ZNF577: variants seen among roughly 807,000 people sequenced by gnomAD.
ZNF577 encodes zinc finger protein 577.
A neutral mutation model predicts 13.9 loss-of-function variants in ZNF577; 14 were observed. The observed-to-expected ratio is 1.00, with a 90% confidence interval of 0.66 to 1.57. The LOEUF is 1.57. Ranked by LOEUF, ZNF577 falls within the 40% of genes most tolerant of loss-of-function variation. ZNF577 has a pLI of 0.00. For missense variants in ZNF577, 555 were observed against 579.2 expected (o/e 0.96, Z 0.43); for synonymous variants, 203 against 202.9 (o/e 1.00, Z 0.00).
chr19:51,824,413 G>T lies in ZNF577; in HGVS notation c.*600-12739C>A. 1.2e-6 allele frequency: 2 copies of T among 1,614,034 alleles called. No individual in the cohort carries two copies. The highest frequency in any genetic ancestry group is 4.5e-5 in the East Asian group (2 of 44,830). On this transcript the variant is annotated intron_variant and NMD_transcript_variant, in intron 9 of 10. Transcript: ENST00000638827. The surrounding 1 kb of genome is among the most constrained non-coding windows in gnomAD (Gnocchi z 4.7). ...ATGTCCATCATCACAGTCTGCTATG[G>T]GATCATCGCTGCCAAAATTCACAGA...
At chr19:51,864,590 T>C (rs2084539278), downstream of ZNF577, among the ~76,000 whole-genome samples, 1 of 151,982 alleles carries the variant, frequency 6.6e-6, no homozygotes, top group Non-Finnish European at 1.5e-5. Flanking sequence ...GACCTCGAGA[T>C]ATAAGGAGAA....
chr19:51,869,790 G>C lies in ZNF577; in HGVS notation c.*2742C>G, dbSNP rs1599866421. On this transcript the variant is annotated 3_prime_UTR_variant, in exon 6 of 6. Coordinates refer to ENST00000638348, the MANE Select transcript of ZNF577 (RefSeq NM_001370449.1). ...ACACACCAGCCGCTAACTAGAATAA[G>C]TTGTTAGGCCTCCTAACTGTACTTC... 6.6e-6 allele frequency among the ~76,000 whole-genome samples: 1 copy of C among 152,192 alleles called. No homozygotes were observed. Among genetic ancestry groups the C allele is most frequent in the East Asian group, 1.9e-4 (1 of 5,202 alleles).
At chr19:51,857,422 GAAAGAA>G (rs1555745885) in intron 5 of ZNF577, among the ~76,000 whole-genome samples, 7 of 108,706 alleles carry the variant, frequency 6.4e-5, no homozygotes, top group South Asian at 7.5e-4. Context: ...AAGAAAGAAA[GAAAGAA>G]AAGAAAAAAC....
downstream of ZNF577, among the ~76,000 whole-genome samples, chr19:51,865,713 C>A (rs1479903683): frequency 6.6e-6 from 1 of 152,194 alleles, no homozygotes; most frequent in Non-Finnish European, 1.5e-5. Context: ...TGGAAGGGGT[C>A]CAACCCTCAT....
chr19:51,862,932 A>C (rs2084519301), downstream of ZNF577: 1 of 152,304 alleles, frequency 6.6e-6, no homozygotes, highest in Non-Finnish European at 1.5e-5. Context: ...GATTTCTTTG[A>C]CATAAAATGA....
chr19:51,811,023 T>A (rs2084093037), intron 10 of ZNF577, among the ~76,000 whole-genome samples: 1 of 152,184 alleles, frequency 6.6e-6, no homozygotes, highest in Non-Finnish European at 1.5e-5. Flanking sequence ...ATTTTTATCC[T>A]CCCTCTCCTG....
intron 9 of ZNF577, among the ~76,000 whole-genome samples, chr19:51,821,613 G>C (rs2084190043): frequency 1.3e-5 from 2 of 152,078 alleles, no homozygotes; most frequent in African/African-American, 4.8e-5. Flanking sequence ...GAGAGAAAGG[G>C]AAAGGAGGAA....
At chr19:51,849,762 T>G (rs558778261) in intron 5 of ZNF577, among the ~76,000 whole-genome samples, 1 of 152,310 alleles carries the variant, frequency 6.6e-6, no homozygotes, top group East Asian at 1.9e-4. Flanking sequence ...AATCTAACTA[T>G]TAAGCATTTA....
intron 8 of ZNF577, chr19:51,840,869 T>C (rs1568437651): frequency 1.3e-5 from 2 of 152,118 alleles, no homozygotes; most frequent in Admixed American, 6.5e-5. Context: ...AAAAAACTAA[T>C]AAAAACTACT....
rs75091353 is a variant in ZNF577, at chr19:51,871,756, T to C, written c.*776A>G. 9,997 of 152,194 alleles carry C rather than the reference T, an allele frequency of 0.066. 466 individuals are homozygous for C. Among genetic ancestry groups the C allele is most frequent in the Non-Finnish European group, 0.099 (6,707 of 67,992 alleles). 9.4% of individuals were successfully genotyped at this position (152,194 alleles called of 1,614,324 possible). ...GAGTGATGTAAGACTGATTGGCCAT[T>C]GCTGGTTTTGAAAGGAGGCCCCAAA... On this transcript the variant is annotated 3_prime_UTR_variant, in exon 6 of 6. Coordinates refer to ENST00000638348, the MANE Select transcript of ZNF577 (RefSeq NM_001370449.1).
At chr19:51,809,307 A>G (rs912822428) in intron 10 of ZNF577, among the ~76,000 whole-genome samples, 2 of 152,236 alleles carry the variant, frequency 1.3e-5, no homozygotes, top group Admixed American at 1.3e-4. Flanking sequence ...TACTCCCACT[A>G]GGGATGTAGA....
At chr19:51,807,057 T>C (rs1250697242) in intron 10 of ZNF577, among the ~76,000 whole-genome samples, 2 of 152,208 alleles carry the variant, frequency 1.3e-5, no homozygotes, top group South Asian at 2.1e-4. Context: ...CCACGATCCC[T>C]GATGGACTGA....
intron 9 of ZNF577, among the ~76,000 whole-genome samples, chr19:51,814,464 C>T (rs1436652919): frequency 6.7e-6 from 1 of 150,358 alleles, no homozygotes; most frequent in East Asian, 1.9e-4. Context: ...ATGCATCTGC[C>T]TCACCTCTCA....
chr19:51,824,631 A>T lies in ZNF577; in HGVS notation c.*600-12957T>A. On this transcript the variant is annotated intron_variant and NMD_transcript_variant, in intron 9 of 10. Coordinates refer to the ZNF577 transcript ENST00000638827. The surrounding 1 kb of genome is among the most constrained non-coding windows in gnomAD (Gnocchi z 4.7). ...AACAAGCTCCTTGGCCTTTTTTAAC[A>T]GCTGCCTCAACCCAATTCTCTACGT... is the stretch of plus-strand genomic sequence containing the variant. 1 of 1,614,134 alleles carries T rather than the reference A, an allele frequency of 6.2e-7. No individual in the cohort carries two copies. The highest frequency in any genetic ancestry group is 8.5e-7 in the Non-Finnish European group (1 of 1,180,012).
At chr19:51,835,348 G>T (rs1413360446) in intron 9 of ZNF577, among the ~76,000 whole-genome samples, 2 of 148,320 alleles carry the variant, frequency 1.3e-5, no homozygotes, top group Non-Finnish European at 3.0e-5. Context: ...GTCATAAAAA[G>T]AATTAGAAAA....
In ZNF577 at chr19:51,869,548, G is replaced by A. The variant is rs181646698; in HGVS notation, c.*2984C>T. On this transcript the variant is annotated 3_prime_UTR_variant, in exon 6 of 6. Coordinates refer to ENST00000638348, the MANE Select transcript of ZNF577 (RefSeq NM_001370449.1). Reference sequence around the variant, plus strand: ...CTGAGGGAACTCAGAGACCAGTGCCGGTGCGGGTCCTCCATATGCTGAGCA... The same window carrying A: ...CTGAGGGAACTCAGAGACCAGTGCCAGTGCGGGTCCTCCATATGCTGAGCA... 6.8e-4 allele frequency among the ~76,000 whole-genome samples: 104 copies of A among 152,184 alleles called. No homozygotes were observed. Among genetic ancestry groups the A allele is most frequent in the South Asian group, 1.5e-3 (7 of 4,822 alleles).
chr19:51,861,902 G>A (rs1012266900), intron 5 of ZNF577: 12 of 152,298 alleles, frequency 7.9e-5, no homozygotes, highest in African/African-American at 2.9e-4. Context: ...TTTCTCACCT[G>A]TATAGGTTCT....
rs1332778849 is a variant in ZNF577, at chr19:51,887,884, C to T, written c.-1282G>A. On this transcript the variant is annotated 5_prime_UTR_variant, in exon 1 of 6. Transcript: ENST00000638348. ...GAGGCGAGTCAGGGACCCGAAGTCTCTAAACACTCGCCTCTACCCGCCGCC... is the reference window on the plus strand; with the variant it reads ...GAGGCGAGTCAGGGACCCGAAGTCTTTAAACACTCGCCTCTACCCGCCGCC... 1 of 152,264 alleles carries T rather than the reference C, an allele frequency of 6.6e-6. No homozygotes were observed. The highest frequency in any genetic ancestry group is 1.5e-5 in the Non-Finnish European group (1 of 68,062). The allele number at this position is 152,264 out of a possible 1,614,324, so 9.4% of individuals were successfully genotyped here.
intron 9 of ZNF577, among the ~76,000 whole-genome samples, chr19:51,830,884 A>T (rs1353782384): frequency 2.6e-5 from 4 of 151,998 alleles, no homozygotes; most frequent in African/African-American, 7.2e-5. Flanking sequence ...CCCCCTAAAC[A>T]TCCATCATAA....
Sources: gnomAD v4.1 joint callset for allele counts (sites outside exome capture counted in the v4.1 genomes callset) on GRCh38, gnomAD v4.1.1 for gene constraint, Gnocchi (gnomAD v3.1) non-coding constraint, MANE v1.5 for transcripts, NCBI Gene and HGNC (gene_info 2026-07-23, HGNC 2026-07-21) for gene names.